Variants in PTPRB observed in about 807,000 individuals in gnomAD.
PTPRB encodes protein tyrosine phosphatase receptor type B.
A neutral mutation model predicts 238.1 loss-of-function variants in PTPRB; 97 were observed. That is an observed-to-expected ratio of 0.41 (90% CI 0.35 to 0.48). The LOEUF (loss-of-function observed/expected upper bound fraction) is 0.48, where lower values mean the gene tolerates loss of function less well. Ranked by LOEUF, PTPRB falls within the 20% of genes least tolerant of loss-of-function variation. PTPRB has a pLI of 0.30. For missense variants in PTPRB, 2,292 were observed against 2,681.9 expected (o/e 0.85, Z 3.21); for synonymous variants, 970 against 995.4 (o/e 0.97, Z 0.48).
chr12:70,595,998 A>G, intron 5 of PTPRB, 51 bp downstream of exon 5: 1 of 1,398,512 alleles, frequency 7.2e-7, no homozygotes, highest in Non-Finnish European at 9.5e-7. Flanking sequence ...ATAAAGTATA[A>G]CTTGAAAAGT....
At chr12:70,614,263 T>A (rs1197334541) in intron 3 of PTPRB, among the ~76,000 whole-genome samples, 2 of 152,154 alleles carry the variant, frequency 1.3e-5, no homozygotes, top group Non-Finnish European at 2.9e-5. Flanking sequence ...CTGAACAAAG[T>A]CTCAGATTAT....
rs559358552 is a variant in PTPRB, at chr12:70,525,006, A to AC, written c.6505-416_6505-415insG. Among the ~76,000 whole-genome samples the AC allele has an allele frequency of 4.3e-3, 650 of 151,640 alleles. 9 individuals carry two copies. The highest frequency in any genetic ancestry group is 0.015 in the African/African-American group (599 of 41,286). ...GTGTGTGTGTATATATATATATAAA[A>AC]TATTCTGTGAGAGCCTACAACTGTG... On this transcript the variant is annotated intron_variant, in intron 32 of 33. Transcript: ENST00000334414.
Position 70,615,351 on chromosome 12 carries a change from A to AT in PTPRB, c.709-6013dup, listed in dbSNP as rs200387495. 1.3e-3 allele frequency among the ~76,000 whole-genome samples: 192 copies of AT among 152,108 alleles called. 1 individual carries two copies. Among genetic ancestry groups the AT allele is most frequent in the Middle Eastern group, 3.4e-3 (1 of 294 alleles). ...TGCTCAGTCTGTTAGACCAGCCAAG[A>AT]TTTTTTTAAAATACTGCAAGGGAGG... On this transcript the variant is annotated intron_variant, in intron 3 of 33. Transcript: ENST00000334414.
intron 27 of PTPRB, 88 bp from the exon 28 acceptor site, chr12:70,538,319 C>G (rs1306143138): frequency 9.4e-7 from 1 of 1,065,612 alleles, no homozygotes; most frequent in African/African-American, 1.6e-5. Context: ...CTGATCCCCA[C>G]AACAGCCACA....
intron 4 of PTPRB, among the ~76,000 whole-genome samples, chr12:70,601,738 C>T (rs901379723): frequency 5.9e-5 from 9 of 151,652 alleles, no homozygotes; most frequent in African/African-American, 1.7e-4. Context: ...TGTGCACAAC[C>T]TCCAGTTAAT....
intron 29 of PTPRB, among the ~76,000 whole-genome samples, chr12:70,535,344 G>C (rs1429332337): frequency 6.7e-6 from 1 of 150,206 alleles, no homozygotes; most frequent in Admixed American, 6.7e-5. Flanking sequence ...GTAGAGGAAG[G>C]CACTGTCTTC....
At position 70,521,428 on chromosome 12, in the gene PTPRB, AG is replaced by A; in HGVS notation, c.*60del. On this transcript the variant is annotated 3_prime_UTR_variant, in exon 34 of 34. Transcript: ENST00000334414. ...TGGCACCTCTGTAGGGCATGAAGCA[AG>A]TTTTTAAAAACAAATCACACAGTGA... The A allele has an allele frequency of 7.0e-7, 1 of 1,430,896 alleles. No individual in the cohort carries two copies. Among genetic ancestry groups the A allele is most frequent in the African/African-American group, 1.4e-5 (1 of 69,446 alleles). The allele number at this position is 1,430,896 out of a possible 1,614,324, so 88.6% of individuals were successfully genotyped here. A position where few individuals can be genotyped will look rare whatever the true frequency, so the allele number is the denominator to read the frequency against.
intron 3 of PTPRB, among the ~76,000 whole-genome samples, chr12:70,612,851 G>C (rs1256443439): frequency 6.6e-6 from 1 of 152,032 alleles, no homozygotes; most frequent in East Asian, 1.9e-4. Context: ...GCTGGATGCT[G>C]TGGTGCGTGC....
chr12:70,521,341 T>A lies in PTPRB; in HGVS notation c.*148A>T. On this transcript the variant is annotated 3_prime_UTR_variant, in exon 34 of 34. Transcript: ENST00000334414. Reference sequence around the variant, plus strand: ...TACAATAATATCTGTTACCTTTAAATTATATAAAATTTTAAACATTCTCCA... The same window carrying A: ...TACAATAATATCTGTTACCTTTAAAATATATAAAATTTTAAACATTCTCCA... 2.0e-6 allele frequency: 1 copy of A among 511,634 alleles called. No individual in the cohort carries two copies. 31.7% of individuals were successfully genotyped at this position (511,634 alleles called of 1,614,324 possible).
At chr12:70,550,430 G>T (rs1876709141) in intron 21 of PTPRB, among the ~76,000 whole-genome samples, 1 of 152,172 alleles carries the variant, frequency 6.6e-6, no homozygotes, top group Admixed American at 6.5e-5. Context: ...CCCTGTACTG[G>T]AATCTGCTCT....
intron 4 of PTPRB, among the ~76,000 whole-genome samples, chr12:70,600,189 A>G (rs1391314657): frequency 6.6e-6 from 1 of 152,174 alleles, no homozygotes; most frequent in Non-Finnish European, 1.5e-5. Flanking sequence ...CAGCCAATCC[A>G]TGAGTTGGTG....
intron 4 of PTPRB, 86 bp from the exon 5 acceptor site, chr12:70,596,413 T>G: frequency 2.6e-5 from 32 of 1,221,782 alleles, no homozygotes; most frequent in Non-Finnish European, 2.9e-5. Context: ...CTTTTGCAAA[T>G]AACTGCTTAT....
intron 33 of PTPRB, among the ~76,000 whole-genome samples, chr12:70,522,861 TTC>T (rs1212823799): frequency 3.9e-4 from 46 of 116,722 alleles, no homozygotes; most frequent in Non-Finnish European, 6.9e-4. Context: ...TGTTTGTTTT[TTC>T]TTTTTTTTTT....
chr12:70,551,287 G>A (rs1226342142), intron 21 of PTPRB, among the ~76,000 whole-genome samples: 1 of 152,132 alleles, frequency 6.6e-6, no homozygotes, highest in African/African-American at 2.4e-5. Flanking sequence ...TTTCCTTTAG[G>A]TAGGCTTGTA....
chr12:70,623,743 T>C (rs17814416), intron 2 of PTPRB, among the ~76,000 whole-genome samples: 14,009 of 152,228 alleles, frequency 0.092, 727 homozygotes, highest in Non-Finnish European at 0.12. Flanking sequence ...ACTCATTTAC[T>C]GGTTATTTAT....
rs980792101 is a variant in PTPRB at position 70,516,122 on chromosome 12, CAT to C, written c.*5365_*5366del. The stretch of plus-strand genomic sequence containing the variant: ...GAGAAATAATAAATGATATTAAAAA[CAT>C]AAAAGTGCTCTATTATAGAACATAA... On this transcript the variant is annotated 3_prime_UTR_variant, in exon 34 of 34. Coordinates refer to ENST00000334414, the MANE Select transcript of PTPRB (RefSeq NM_001109754.4). 6.6e-6 allele frequency: 1 copy of C among 152,082 alleles called. No homozygotes were observed. The highest frequency in any genetic ancestry group is 1.5e-5 in the Non-Finnish European group (1 of 68,012). The allele number at this position is 152,082 out of a possible 1,614,324, so 9.4% of individuals were successfully genotyped here. A position where few individuals can be genotyped will look rare whatever the true frequency, so the allele number is the denominator to read the frequency against.
chr12:70,603,874 A>G (rs1883725159), intron 4 of PTPRB, among the ~76,000 whole-genome samples: 1 of 152,238 alleles, frequency 6.6e-6, no homozygotes, highest in African/African-American at 2.4e-5. Context: ...GTCTCTATGC[A>G]AACTGCCCTT....
chr12:70,624,383 GT>G, intron 2 of PTPRB, among the ~76,000 whole-genome samples: 1 of 152,030 alleles, frequency 6.6e-6, no homozygotes, highest in Middle Eastern at 3.4e-3. Flanking sequence ...CTTAGTTTCT[GT>G]TTGTTTTTGC....
Position 70,536,026 on chromosome 12 carries a change from C to A in PTPRB, c.6080G>T (p.Arg2027Leu). 6.2e-7 allele frequency: 1 copy of A among 1,612,794 alleles called. No homozygotes were observed. The highest frequency in any genetic ancestry group is 8.5e-7 in the Non-Finnish European group (1 of 1,179,492). The change falls in exon 29 of 34, where the codon CGA becomes CTA. Residue 2027 changes from arginine to leucine, a missense_variant and splice_region_variant. By Grantham distance (102) the Arg-to-Leu change is moderately radical. Transcript: ENST00000334414. Reference sequence around the variant, plus strand: ...ATGCCAGGAAGGCTGTTTACTCACTCGGCCCTTCTCAACACACTGGGTCAC... The same window carrying A: ...ATGCCAGGAAGGCTGTTTACTCACTAGGCCCTTCTCAACACACTGGGTCAC... ...VMVTQCVEKG[R>L]VKCDHYWPAD...
Sources: gnomAD v4.1 joint callset for allele counts (sites outside exome capture counted in the v4.1 genomes callset) on GRCh38, gnomAD v4.1.1 for gene constraint, MANE v1.5 for transcripts, NCBI Gene and HGNC (gene_info 2026-07-23, HGNC 2026-07-21) for gene names.